ATXN1: variants seen among roughly 807,000 people sequenced by gnomAD.
ATXN1 encodes the protein ataxin-1.
A neutral mutation model predicts 56.4 loss-of-function variants in ATXN1; 8 were observed. That is an observed-to-expected ratio of 0.14 (90% CI 0.08 to 0.26). ATXN1 has a LOEUF of 0.26. Ranked by LOEUF, ATXN1 falls within the 10% of genes least tolerant of loss-of-function variation. The pLI, the probability that ATXN1 is intolerant of heterozygous loss-of-function variation, is 1.00. For synonymous variants in ATXN1, 514 were observed against 494.6 expected, an observed-to-expected ratio of 1.04 and a Z score of -0.52; for missense variants, 987 against 1,106.5, an observed-to-expected ratio of 0.89 and a Z score of 1.53.
chr6:16,532,539 T>TA (rs1207919416), intron 4 of ATXN1, among the ~76,000 whole-genome samples: 2 of 152,112 alleles, frequency 1.3e-5, no homozygotes, highest in Non-Finnish European at 2.9e-5. Context: ...ATACCTTGAT[T>TA]AAAAAATGGG....
chr6:16,543,390 C>G (rs1302259304), intron 4 of ATXN1, among the ~76,000 whole-genome samples: 2 of 151,990 alleles, frequency 1.3e-5, no homozygotes, highest in African/African-American at 2.4e-5. Flanking sequence ...AAGTCTTTTC[C>G]CCCTCTGTGT....
At chr6:16,386,793 G>A (rs889710646) in intron 6 of ATXN1, among the ~76,000 whole-genome samples, 1 of 152,152 alleles carries the variant, frequency 6.6e-6, no homozygotes, top group East Asian at 1.9e-4. Flanking sequence ...GAATGCCTCT[G>A]AACATGAACA....
chr6:16,372,275 T>C (rs1416074186), intron 6 of ATXN1, among the ~76,000 whole-genome samples: 4 of 151,260 alleles, frequency 2.6e-5, no homozygotes, highest in East Asian at 1.9e-4. Context: ...GCCAGACCAA[T>C]AAGAAAGAAG....
intron 4 of ATXN1, among the ~76,000 whole-genome samples, chr6:16,567,283 T>C (rs1402095564): frequency 6.6e-6 from 1 of 152,156 alleles, no homozygotes; most frequent in East Asian, 1.9e-4. Context: ...CATCAAAAGA[T>C]ACCACAAAAT....
intron 3 of ATXN1, among the ~76,000 whole-genome samples, chr6:16,594,215 TC>T (rs1232825175): frequency 1.3e-5 from 2 of 150,778 alleles, no homozygotes; most frequent in Non-Finnish European, 3.0e-5. Flanking sequence ...CGTTTTTTTT[TC>T]TATTAGAAAC....
intron 6 of ATXN1, among the ~76,000 whole-genome samples, chr6:16,450,519 T>C (rs1396479280): frequency 6.6e-6 from 1 of 152,212 alleles, no homozygotes; most frequent in Non-Finnish European, 1.5e-5. Flanking sequence ...AGGGGCTTAT[T>C]ACTCAGAGAG....
chr6:16,635,699 A>G (rs939800992), intron 3 of ATXN1, among the ~76,000 whole-genome samples: 10 of 152,222 alleles, frequency 6.6e-5, no homozygotes, highest in African/African-American at 2.4e-4. Context: ...AGATAAATAA[A>G]TATGTCTGAA....
chr6:16,643,768 G>C (rs1763752450), intron 3 of ATXN1, among the ~76,000 whole-genome samples: 1 of 151,852 alleles, frequency 6.6e-6, no homozygotes, highest in African/African-American at 2.4e-5. Flanking sequence ...ATGAAACTAT[G>C]TCTCAGAAAG....
At chr6:16,642,841 A>G (rs546487671) in intron 3 of ATXN1, among the ~76,000 whole-genome samples, 1 of 152,370 alleles carries the variant, frequency 6.6e-6, no homozygotes, top group Admixed American at 6.5e-5. Flanking sequence ...TTGTTTAGAC[A>G]AAATGTTATT....
At chr6:16,512,938 A>G (rs923790780) in intron 5 of ATXN1, among the ~76,000 whole-genome samples, 6 of 152,216 alleles carry the variant, frequency 3.9e-5, no homozygotes, top group Admixed American at 3.3e-4. Flanking sequence ...TTCTCTTTTG[A>G]CCAAATATTA....
At chr6:16,637,324 C>T (rs1365938464) in intron 3 of ATXN1, among the ~76,000 whole-genome samples, 1 of 139,692 alleles carries the variant, frequency 7.2e-6, no homozygotes, top group East Asian at 2.1e-4. Context: ...GGAAGGGGAA[C>T]ATCGCACACC....
intron 6 of ATXN1, among the ~76,000 whole-genome samples, chr6:16,415,177 T>G (rs997453228): frequency 1.3e-5 from 2 of 152,238 alleles, no homozygotes; most frequent in African/African-American, 4.8e-5. Context: ...AAATAGAAAT[T>G]TGGCCAATTA....
intron 3 of ATXN1, among the ~76,000 whole-genome samples, chr6:16,601,561 T>C (rs1181665946): frequency 6.6e-6 from 1 of 152,142 alleles, no homozygotes; most frequent in African/African-American, 2.4e-5. Context: ...TTAAAATCTA[T>C]TTATTTCAGC....
At chr6:16,675,891 A>AAAAT (rs1376264868) in intron 2 of ATXN1, among the ~76,000 whole-genome samples, 1 of 152,120 alleles carries the variant, frequency 6.6e-6, no homozygotes, top group Admixed American at 6.5e-5. Context: ...TCTTTCTCAA[A>AAAAT]AAATAAATAA....
intron 2 of ATXN1, among the ~76,000 whole-genome samples, chr6:16,728,452 C>T (rs1225420698): frequency 1.3e-5 from 2 of 152,278 alleles, no homozygotes; most frequent in African/African-American, 4.8e-5. Flanking sequence ...TATGTATGGG[C>T]AACATCTGGG....
intron 4 of ATXN1, among the ~76,000 whole-genome samples, chr6:16,552,332 G>A (rs1276158450): frequency 1.3e-5 from 2 of 152,158 alleles, no homozygotes; most frequent in Admixed American, 6.5e-5. Context: ...AGTGGGGAGT[G>A]TCCCCCATAA....
At chr6:16,509,289 C>A (rs1034468683) in intron 5 of ATXN1, among the ~76,000 whole-genome samples, 1 of 152,208 alleles carries the variant, frequency 6.6e-6, no homozygotes, top group Non-Finnish European at 1.5e-5. Flanking sequence ...ATCCTGTCAA[C>A]TACAGGTTTC....
At chr6:16,391,130 C>G (rs1758346558) in intron 6 of ATXN1, among the ~76,000 whole-genome samples, 1 of 140,906 alleles carries the variant, frequency 7.1e-6, no homozygotes, top group Admixed American at 7.4e-5. Flanking sequence ...TCACTGCACT[C>G]CAGCCTGGGT....
intron 5 of ATXN1, among the ~76,000 whole-genome samples, chr6:16,511,909 C>A (rs1320507449): frequency 1.3e-5 from 2 of 152,198 alleles, no homozygotes; most frequent in Non-Finnish European, 2.9e-5. Flanking sequence ...GGTGTCTTTG[C>A]CACGAGGTGG....
Sources: allele counts gnomAD v4.1 joint callset (sites outside exome capture counted in the v4.1 genomes callset), GRCh38; gene constraint gnomAD v4.1.1; transcripts MANE v1.5; gene names NCBI Gene and HGNC (gene_info 2026-07-23, HGNC 2026-07-21).